PCLO: variants seen among roughly 807,000 people sequenced by gnomAD.
The protein encoded by PCLO is piccolo presynaptic cytomatrix protein, also known as protein piccolo.
Under a neutral mutation model 427.5 loss-of-function variants are expected in PCLO, and 82 were observed. The observed-to-expected ratio is 0.19, with a 90% confidence interval of 0.16 to 0.23. The LOEUF is 0.23. Ranked by LOEUF, PCLO falls within the 10% of genes least tolerant of loss-of-function variation. The probability of loss-of-function intolerance (pLI) is 1.00; values close to 1 mark genes in which losing one functional copy is unlikely to be tolerated. For missense variants in PCLO, 6,239 were observed against 6,115.9 expected (o/e 1.02, Z -0.67); for synonymous variants, 2,357 against 2,155.4 (o/e 1.09, Z -2.59).
chr7:82,953,784 G>T lies in PCLO; in HGVS notation c.7169C>A (p.Pro2390His), dbSNP rs771771171. Reference protein sequence around the residue: ...SPSVSSLPAKPRPFFRSSSLD... With the variant: ...SPSVSSLPAKHRPFFRSSSLD... ...AGAAGAACTTCTAAAGAATGGGCGA[G>T]GTTTAGCTGGAAGAGAGGAAACAGA... The change falls in exon 5 of 25, where the codon CCT (proline) becomes CAT (histidine). Residue 2390 changes from proline to histidine, a missense_variant. Coordinates refer to ENST00000333891, the MANE Select transcript of PCLO (RefSeq NM_033026.6). The T allele has an allele frequency of 5.0e-6, 8 of 1,587,952 alleles. No individual in the cohort carries two copies. In the South Asian group the frequency reaches 9.0e-5, roughly 18 times the overall value.
chr7:82,954,525 T>A lies in PCLO; in HGVS notation c.6428A>T (p.Asp2143Val), dbSNP rs377359668. The A allele has an allele frequency of 6.2e-6, 10 of 1,613,830 alleles. No homozygotes were observed. In the African/African-American group the frequency reaches 1.2e-4, roughly 19 times the overall value. Residue 2143 changes from aspartate (D) to valine (V), a missense_variant, in exon 5 of 25, where the codon GAT becomes GTT. Around this residue, in one of 5 missense-constraint regions of PCLO, gnomAD observed 4,677 missense variants for 4,468.4 expected, o/e 1.05. Transcript: ENST00000333891. ...TCTTGTATAATCGGTTACATATTCA[T>A]CCTCAATTTCTTCTGTTGAAAAATG... is the stretch of plus-strand genomic sequence containing the variant. ...TQHFSTEEIE[D>V]EYVTDYTREI...
At chr7:82,917,926 CTTT>C (rs1250389570) in intron 6 of PCLO, among the ~76,000 whole-genome samples, 4 of 151,846 alleles carry the variant, frequency 2.6e-5, no homozygotes, top group African/African-American at 7.2e-5. Context: ...CTTTCATTGC[CTTT>C]TTATTATTTC....
intron 22 of PCLO, among the ~76,000 whole-genome samples, chr7:82,796,568 T>C (rs1308753517): frequency 6.6e-6 from 1 of 151,926 alleles, no homozygotes; most frequent in African/African-American, 2.4e-5. Context: ...CTCCCCACCA[T>C]CACTTCTACA....
intron 8 of PCLO, among the ~76,000 whole-genome samples, chr7:82,907,463 G>C (rs1794218758): frequency 6.6e-6 from 1 of 151,876 alleles, no homozygotes; most frequent in Non-Finnish European, 1.5e-5. Flanking sequence ...AGTAATTGTA[G>C]ATAAAAGGAG....
At chr7:82,775,305 A>T (rs62466901) in intron 22 of PCLO, among the ~76,000 whole-genome samples, 2,584 of 152,272 alleles carry the variant, frequency 0.017, 34 homozygotes, top group Middle Eastern at 0.034. Flanking sequence ...TGTTGTATAA[A>T]ATCGCCAAAC....
At chr7:82,960,320 C>T (rs1048008908) in intron 4 of PCLO, among the ~76,000 whole-genome samples, 17 of 152,256 alleles carry the variant, frequency 1.1e-4, no homozygotes, top group Middle Eastern at 3.4e-3. Context: ...AGTGAAAGAT[C>T]GGATGCTCTC....
At chr7:83,057,348 A>ATATAT (rs1392338061) in intron 3 of PCLO, among the ~76,000 whole-genome samples, 1 of 19,628 alleles carries the variant, frequency 5.1e-5, no homozygotes, top group Non-Finnish European at 9.0e-5. Context: ...ATATATATAT[A>ATATAT]TTTTTTTTTT....
intron 10 of PCLO, among the ~76,000 whole-genome samples, chr7:82,862,300 C>A (rs1792977571): frequency 6.6e-6 from 1 of 151,836 alleles, no homozygotes; most frequent in African/African-American, 2.4e-5. Context: ...CAGGCAATAA[C>A]AAATGCTGAT....
At chr7:82,857,768 G>T (rs2115889478) in intron 10 of PCLO, among the ~76,000 whole-genome samples, 1 of 152,092 alleles carries the variant, frequency 6.6e-6, no homozygotes, top group Non-Finnish European at 1.5e-5. Flanking sequence ...AGAGTAAAAG[G>T]AAAATTCAAA....
intron 10 of PCLO, among the ~76,000 whole-genome samples, chr7:82,854,076 A>G (rs899663080): frequency 2.6e-5 from 4 of 152,176 alleles, no homozygotes; most frequent in African/African-American, 9.7e-5. Flanking sequence ...CCCCAAGCAT[A>G]GAAATCATGT....
intron 3 of PCLO, among the ~76,000 whole-genome samples, chr7:82,993,703 T>A (rs41578): frequency 0.21 from 31,448 of 151,988 alleles, 4,289 homozygotes; most frequent in Middle Eastern, 0.34. Flanking sequence ...AACAAAAAAA[T>A]TCATGTGACT....
Position 82,755,893 on chromosome 7 carries a change from C to T in PCLO, c.*2682G>A, listed in dbSNP as rs1183557670. ...TTTGGTCAGCTGCAAACTTGGCACA[C>T]TGGCAGGATCTTATGCTCTCTGAAG... On this transcript the variant is annotated 3_prime_UTR_variant, in exon 25 of 25. Coordinates refer to ENST00000333891, the MANE Select transcript of PCLO (RefSeq NM_033026.6). The T allele has an allele frequency of 6.6e-6, 1 of 152,142 alleles. No individual in the cohort carries two copies. Among genetic ancestry groups the T allele is most frequent in the African/African-American group, 2.4e-5 (1 of 41,428 alleles). The allele number at this position is 152,142 out of a possible 1,614,324, so 9.4% of individuals were successfully genotyped here. A position where few individuals can be genotyped will look rare whatever the true frequency, so the allele number is the denominator to read the frequency against.
chr7:83,157,282 A>G (rs961970050), intron 1 of PCLO, among the ~76,000 whole-genome samples: 3 of 152,282 alleles, frequency 2.0e-5, no homozygotes, highest in African/African-American at 7.2e-5. Context: ...GATCAGTGTT[A>G]TCTTTTTTAA....
At chr7:82,789,299 T>C (rs1398528502) in intron 22 of PCLO, among the ~76,000 whole-genome samples, 1 of 152,188 alleles carries the variant, frequency 6.6e-6, no homozygotes, top group African/African-American at 2.4e-5. Flanking sequence ...ATCAATTAGA[T>C]TGATTCAATT....
intron 15 of PCLO, 149 bp from the exon 16 acceptor site, chr7:82,835,842 A>G: frequency 1.5e-6 from 1 of 655,138 alleles, no homozygotes; most frequent in Non-Finnish European, 2.7e-6. Flanking sequence ...TGAGGCAGAA[A>G]ATGCTAGAAC....
In PCLO at chr7:82,952,369, G is replaced by C; in HGVS notation, c.8584C>G (p.His2862Asp). The C allele has an allele frequency of 6.2e-7, 1 of 1,613,876 alleles. No individual in the cohort carries two copies. Among genetic ancestry groups the C allele is most frequent in the Non-Finnish European group, 8.5e-7 (1 of 1,179,754 alleles). Residue 2862 changes from histidine to aspartate, a missense_variant, in exon 5 of 25, where the codon CAT becomes GAT. Transcript: ENST00000333891. ...TTTGTAATAGCCAATGTCACTGCATGTGCTGGAGTACCTAGAGATAAGTTT... is the reference window on the plus strand; with the variant it reads ...TTTGTAATAGCCAATGTCACTGCATCTGCTGGAGTACCTAGAGATAAGTTT... ...PINLSLGTPA[H>D]AVTLAITKPV...
intron 4 of PCLO, among the ~76,000 whole-genome samples, chr7:82,957,416 CA>C (rs201922517): frequency 5.3e-5 from 8 of 150,016 alleles, no homozygotes; most frequent in South Asian, 2.1e-4. Context: ...ATTTACTAAA[CA>C]AAAAAAAAGC....
At chr7:83,159,103 A>G (rs1205006073) in intron 1 of PCLO, among the ~76,000 whole-genome samples, 1 of 152,100 alleles carries the variant, frequency 6.6e-6, no homozygotes, top group Non-Finnish European at 1.5e-5. Flanking sequence ...GATGAGCATT[A>G]ATATTTGATG....
rs994293529 is a variant in PCLO, at chr7:83,162,707, C to T, written c.-115G>A. ...GTCCGCCTCGGGGCGTGCAGGCAGC[C>T]GAGTCCCTGGACTCTGGACCAGGCA... is the stretch of plus-strand genomic sequence containing the variant. On this transcript the variant is annotated 5_prime_UTR_variant, in exon 1 of 25. Transcript: ENST00000333891. The T allele has an allele frequency of 2.2e-6, 3 of 1,352,510 alleles. No individual in the cohort carries two copies. In the African/African-American group the frequency reaches 4.4e-5, roughly 20 times the overall value. The allele number at this position is 1,352,510 out of a possible 1,614,324, so 83.8% of individuals were successfully genotyped here. A position where few individuals can be genotyped will look rare whatever the true frequency, so the allele number is the denominator to read the frequency against.
Sources: gnomAD v4.1 joint callset for allele counts (sites outside exome capture counted in the v4.1 genomes callset) on GRCh38, gnomAD v4.1.1 for gene constraint, gnomAD v4.1.1 regional missense constraint, MANE v1.5 for transcripts, NCBI Gene and HGNC (gene_info 2026-07-23, HGNC 2026-07-21) for gene names.